AMBRA1: variants seen among roughly 807,000 people sequenced by gnomAD.
AMBRA1 encodes autophagy and beclin 1 regulator 1, also known as activating molecule in BECN1-regulated autophagy protein 1.
A neutral mutation model predicts 125.4 loss-of-function variants in AMBRA1; 47 were observed. The ratio of observed to expected loss-of-function variants is 0.37; its 90% CI spans 0.30 to 0.48. The LOEUF (loss-of-function observed/expected upper bound fraction) is 0.48, where lower values mean the gene tolerates loss of function less well. Ranked by LOEUF, AMBRA1 falls within the 20% of genes least tolerant of loss-of-function variation. The probability of loss-of-function intolerance (pLI) is 0.99; values close to 1 mark genes in which losing one functional copy is unlikely to be tolerated. For synonymous variants in AMBRA1, 626 were observed against 655.5 expected, an observed-to-expected ratio of 0.95 and a Z score of 0.69; for missense variants, 1,331 against 1,693.4, an observed-to-expected ratio of 0.79 and a Z score of 3.76.
intron 1 of AMBRA1, among the ~76,000 whole-genome samples, chr11:46,565,777 A>G (rs953080863): frequency 1.3e-5 from 2 of 150,012 alleles, no homozygotes; most frequent in Non-Finnish European, 3.0e-5. Flanking sequence ...AAAAATTCAG[A>G]TTTTTTTTTT....
chr11:46,557,300 C>CAAAAAAAA (rs540969219), intron 1 of AMBRA1, among the ~76,000 whole-genome samples: 3 of 49,114 alleles, frequency 6.1e-5, no homozygotes, highest in Non-Finnish European at 1.2e-4. Context: ...GACTCCATCT[C>CAAAAAAAA]AAAAAAAAAA....
intron 14 of AMBRA1, among the ~76,000 whole-genome samples, chr11:46,423,499 C>A (rs1946952052): frequency 6.6e-6 from 1 of 151,972 alleles, no homozygotes; most frequent in South Asian, 2.1e-4. Context: ...TCATGCCATT[C>A]TCCTGCCTCA....
At chr11:46,449,006 T>A (rs1282724385) in intron 11 of AMBRA1, among the ~76,000 whole-genome samples, 1 of 152,096 alleles carries the variant, frequency 6.6e-6, no homozygotes, top group African/African-American at 2.4e-5. Context: ...CTACCAAACA[T>A]TTAAGGAAGA....
chr11:46,467,011 G>A lies in AMBRA1; in HGVS notation c.2522-23413C>T, dbSNP rs531674782. Among the ~76,000 whole-genome samples the A allele has an allele frequency of 2.6e-5, 4 of 150,948 alleles. No individual in the cohort carries two copies. The South Asian group carries it at 8.3e-4, about 31-fold the overall frequency. On this transcript the variant is annotated intron_variant, in intron 11 of 17. Transcript: ENST00000683756. ...TGGCTCACTGAAACCTTCACCTCCC[G>A]GATCCAGGCGATTCTCCTGTCTCAG...
In AMBRA1 at chr11:46,399,349, T is replaced by C. The variant is rs936193133; in HGVS notation, c.3404-1406A>G. 3.5e-4 allele frequency among the ~76,000 whole-genome samples: 54 copies of C among 152,184 alleles called. 1 individual carries two copies. In the Middle Eastern group the frequency reaches 0.014, roughly 38 times the overall value. ...TCAGCCTCCCAAAAGGCTGGGATTATAGGCATGAGCCACCGTGCCCAGCCT... is the reference window on the plus strand; with the variant it reads ...TCAGCCTCCCAAAAGGCTGGGATTACAGGCATGAGCCACCGTGCCCAGCCT... On this transcript the variant is annotated intron_variant, in intron 17 of 17. Coordinates refer to ENST00000683756, the MANE Select transcript of AMBRA1 (RefSeq NM_001387011.1).
At chr11:46,438,752 C>T (rs1012172542) in intron 12 of AMBRA1, among the ~76,000 whole-genome samples, 1 of 152,194 alleles carries the variant, frequency 6.6e-6, no homozygotes, top group Non-Finnish European at 1.5e-5. Context: ...TGACCAATTC[C>T]ATTCACCCAG....
intron 7 of AMBRA1, among the ~76,000 whole-genome samples, chr11:46,515,506 A>C (rs1422074084): frequency 1.3e-5 from 2 of 151,900 alleles, no homozygotes; most frequent in African/African-American, 4.8e-5. Context: ...ACAAACAAAA[A>C]TACATCCTTC....
chr11:46,576,421 C>T (rs2043963201), intron 1 of AMBRA1, among the ~76,000 whole-genome samples: 1 of 152,140 alleles, frequency 6.6e-6, no homozygotes, highest in Admixed American at 6.6e-5. Context: ...AGTCACTGTG[C>T]CCAGCCAGAC....
intron 11 of AMBRA1, among the ~76,000 whole-genome samples, chr11:46,464,272 G>C (rs1454227156): frequency 6.6e-6 from 1 of 152,220 alleles, no homozygotes; most frequent in African/African-American, 2.4e-5. Context: ...AGCAATTAGA[G>C]AATGCAGGCT....
At chr11:46,470,311 G>A (rs558202520) in intron 11 of AMBRA1, among the ~76,000 whole-genome samples, 7 of 152,168 alleles carry the variant, frequency 4.6e-5, no homozygotes, top group Admixed American at 2.0e-4. Flanking sequence ...CAGGTTGGCC[G>A]GGCGCGGTGG....
chr11:46,464,414 C>T (rs933977456), intron 11 of AMBRA1, among the ~76,000 whole-genome samples: 1 of 152,120 alleles, frequency 6.6e-6, no homozygotes. Flanking sequence ...CACTATGCAC[C>T]TTCCTGAGAT....
At position 46,542,964 on chromosome 11, in the gene AMBRA1, G is replaced by C. The variant is rs1347444667; in HGVS notation, c.1053C>G (p.Pro351=). 3 of 1,605,582 alleles carry C rather than the reference G, an allele frequency of 1.9e-6. No individual in the cohort carries two copies. Among genetic ancestry groups the C allele is most frequent in the Non-Finnish European group, 2.5e-6 (3 of 1,179,990 alleles). The change falls in exon 7 of 18, where the codon CCC becomes CCG. Residue 351 remains proline (P), a synonymous_variant. Transcript: ENST00000683756. This position sits in a 1 kb window ranked among gnomAD's most constrained non-coding sequence, Gnocchi z 5.9. ...GCTGCGTTGACGAGGCCTGCTCCGG[G>C]GGATGGAAGGGCTCGGTCTGTACAA... is the stretch of plus-strand genomic sequence containing the variant. ...FSFVQTEPFH[P]PEQASSTQQD... is the part of the protein sequence containing the mutation.
In AMBRA1 at chr11:46,397,907, G is replaced by A. The variant is rs139896964; in HGVS notation, c.3440C>T (p.Ala1147Val). ...CATCAGCCTCTGGATCCTGCTGAGC[G>A]CATCTTCTCCACTGGCACCATACTC... ...GSEYGASGED[A>V]LSRIQRLMAE... The change falls in exon 18 of 18, where the codon GCG (alanine) becomes GTG (valine). Residue 1147 changes from alanine (A) to valine (V), a missense_variant. Around this residue, in one of 4 missense-constraint regions of AMBRA1, gnomAD observed 354 missense variants for 532.7 expected, o/e 0.66. Coordinates refer to ENST00000683756, the MANE Select transcript of AMBRA1 (RefSeq NM_001387011.1). 349 of 1,598,396 alleles carry A rather than the reference G, an allele frequency of 2.2e-4. No individual in the cohort carries two copies. Among genetic ancestry groups the A allele is most frequent in the Non-Finnish European group, 2.7e-4 (321 of 1,179,012 alleles).
chr11:46,464,780 C>T (rs1949249273), intron 11 of AMBRA1, among the ~76,000 whole-genome samples: 1 of 152,020 alleles, frequency 6.6e-6, no homozygotes, highest in African/African-American at 2.4e-5. Flanking sequence ...GGCGCAGTGG[C>T]TCACACCTGT....
intron 11 of AMBRA1, among the ~76,000 whole-genome samples, chr11:46,450,882 T>C (rs1259091028): frequency 1.3e-5 from 2 of 152,194 alleles, no homozygotes; most frequent in African/African-American, 4.8e-5. Context: ...TGAGTGATAA[T>C]GATGTGTCTA....
chr11:46,488,676 A>AT (rs771201630), intron 11 of AMBRA1, among the ~76,000 whole-genome samples: 3 of 152,198 alleles, frequency 2.0e-5, no homozygotes, highest in Non-Finnish European at 4.4e-5. Context: ...GCACATGGGT[A>AT]ACACTCTCTA....
At chr11:46,478,793 T>C (rs1949934558) in intron 11 of AMBRA1, among the ~76,000 whole-genome samples, 1 of 151,976 alleles carries the variant, frequency 6.6e-6, no homozygotes, top group Admixed American at 6.6e-5. Flanking sequence ...TAGCTGGGAT[T>C]ACAGGCATGC....
chr11:46,569,446 T>A (rs868508840), intron 1 of AMBRA1, among the ~76,000 whole-genome samples: 1,895 of 141,616 alleles, frequency 0.013, 33 homozygotes, highest in African/African-American at 0.029. Flanking sequence ...AAAAAATATA[T>A]ATATATATAT....
intron 15 of AMBRA1, among the ~76,000 whole-genome samples, chr11:46,414,063 C>T (rs1946418267): frequency 6.6e-6 from 1 of 152,174 alleles, no homozygotes; most frequent in African/African-American, 2.4e-5. Context: ...CAACAACTTC[C>T]CCATGCTGAG....
Sources: gnomAD v4.1 joint callset for allele counts (sites outside exome capture counted in the v4.1 genomes callset) on GRCh38, gnomAD v4.1.1 for gene constraint, gnomAD v4.1.1 regional missense constraint, Gnocchi (gnomAD v3.1) non-coding constraint, MANE v1.5 for transcripts, NCBI Gene and HGNC (gene_info 2026-07-23, HGNC 2026-07-21) for gene names.